HRH1: variants seen among roughly 807,000 people sequenced by gnomAD.
HRH1 encodes histamine receptor H1.
HRH1 carries 6 observed loss-of-function variants against 10.3 expected under a neutral mutation model. The observed-to-expected ratio is 0.58, with a 90% confidence interval of 0.32 to 1.15. HRH1 has a LOEUF of 1.15. Ranked by LOEUF, HRH1 falls within the 50% of genes most tolerant of loss-of-function variation. The pLI, the probability that HRH1 is intolerant of heterozygous loss-of-function variation, is 0.05. For synonymous variants in HRH1, 242 were observed against 236.7 expected (o/e 1.02, Z -0.21); for missense variants, 514 against 615.3 (o/e 0.84, Z 1.74).
chr3:11,169,375 G>T (rs1202938490), intron 1 of HRH1, among the ~76,000 whole-genome samples: 2 of 152,164 alleles, frequency 1.3e-5, no homozygotes, highest in Non-Finnish European at 2.9e-5. Flanking sequence ...ACGCCTCATT[G>T]CCAGCTGCTG....
intron 1 of HRH1, among the ~76,000 whole-genome samples, chr3:11,211,301 C>G (rs1938320019): frequency 2.0e-5 from 3 of 152,280 alleles, no homozygotes; most frequent in Admixed American, 6.5e-5. Context: ...CTGACAGGGC[C>G]CTCAGACCAG....
intron 1 of HRH1, among the ~76,000 whole-genome samples, chr3:11,207,561 T>C (rs1938181298): frequency 6.6e-6 from 1 of 152,030 alleles, no homozygotes; most frequent in African/African-American, 2.4e-5. Context: ...AGAGCGAGAC[T>C]CTGTCTCAAA....
intron 1 of HRH1, among the ~76,000 whole-genome samples, chr3:11,145,994 G>A (rs1266860182): frequency 6.6e-6 from 1 of 152,120 alleles, no homozygotes; most frequent in Admixed American, 6.6e-5. Flanking sequence ...TTCCAGTTTG[G>A]GCTATTATCA....
intron 1 of HRH1, among the ~76,000 whole-genome samples, chr3:11,218,663 C>T (rs1194683939): frequency 6.6e-6 from 1 of 151,932 alleles, no homozygotes; most frequent in Non-Finnish European, 1.5e-5. Context: ...GCAGCCTCCA[C>T]CTCCCAAGTT....
At chr3:11,228,203 G>A (rs1032659453) in intron 1 of HRH1, among the ~76,000 whole-genome samples, 1 of 152,168 alleles carries the variant, frequency 6.6e-6, no homozygotes, top group Non-Finnish European at 1.5e-5. Flanking sequence ...AATATTGGTT[G>A]CATTGGAACC....
Position 11,260,652 on chromosome 3 carries a change from G to A in HRH1, c.*151G>A. ...GCTTGGTAGTTTGGAAAGTTCTTAG[G>A]CACCATAGAAGAACAGCAGATGGCG... is the stretch of plus-strand genomic sequence containing the variant. On this transcript the variant is annotated 3_prime_UTR_variant, in exon 2 of 2. Coordinates refer to ENST00000431010, the MANE Select transcript of HRH1 (RefSeq NM_001098212.2). 1 of 698,904 alleles carries A rather than the reference G, an allele frequency of 1.4e-6. No homozygotes were observed. Among genetic ancestry groups the A allele is most frequent in the Admixed American group, 2.7e-5 (1 of 36,818 alleles). 43.3% of individuals were successfully genotyped at this position (698,904 alleles called of 1,614,324 possible). A position where few individuals can be genotyped will look rare whatever the true frequency, so the allele number is the denominator to read the frequency against.
chr3:11,252,503 G>A (rs185579484), intron 1 of HRH1, among the ~76,000 whole-genome samples: 36 of 152,214 alleles, frequency 2.4e-4, no homozygotes, highest in African/African-American at 7.2e-4. Context: ...GTAAACCCCC[G>A]GGGTAAGACT....
intron 1 of HRH1, among the ~76,000 whole-genome samples, chr3:11,172,016 G>T (rs1174506418): frequency 1.3e-5 from 2 of 152,226 alleles, no homozygotes; most frequent in Non-Finnish European, 2.9e-5. Flanking sequence ...AGGGCACCTA[G>T]ACCTTGTGTT....
intron 1 of HRH1, among the ~76,000 whole-genome samples, chr3:11,208,310 G>A (rs922553577): frequency 6.6e-6 from 1 of 151,946 alleles, no homozygotes. Flanking sequence ...GTACCACTGC[G>A]CCCAGCTAAT....
intron 1 of HRH1, among the ~76,000 whole-genome samples, chr3:11,222,331 A>G (rs1938734992): frequency 6.6e-6 from 1 of 152,192 alleles, no homozygotes. Context: ...TATGAAAACT[A>G]TGATTATTTT....
At chr3:11,155,092 C>T (rs1936754701) in intron 1 of HRH1, among the ~76,000 whole-genome samples, 1 of 152,112 alleles carries the variant, frequency 6.6e-6, no homozygotes. Flanking sequence ...CAGGGTTTTG[C>T]TCGGAGTCAT....
intron 1 of HRH1, among the ~76,000 whole-genome samples, chr3:11,180,427 C>T (rs1483601949): frequency 2.0e-5 from 3 of 152,114 alleles, no homozygotes; most frequent in African/African-American, 7.2e-5. Flanking sequence ...TCACAATGCA[C>T]AATTATCAAT....
chr3:11,172,771 G>A (rs1937178149), intron 1 of HRH1, among the ~76,000 whole-genome samples: 1 of 149,954 alleles, frequency 6.7e-6, no homozygotes, highest in Non-Finnish European at 1.5e-5. Context: ...AGGCGATCTC[G>A]GCTCACTGCA....
At chr3:11,159,405 G>A (rs1936882265) in intron 1 of HRH1, among the ~76,000 whole-genome samples, 1 of 152,160 alleles carries the variant, frequency 6.6e-6, no homozygotes, top group South Asian at 2.1e-4. Context: ...AGTTTGCTGA[G>A]TGTTTCTTTT....
rs748114350 is a variant in HRH1, at chr3:11,246,918, G to C, written c.-35-12085G>C. ...AAAAATTACCCAGGCATGGTGGTGCGTGCCTGTGGTCCCTCCCAGCTACTC... is the reference window on the plus strand; with the variant it reads ...AAAAATTACCCAGGCATGGTGGTGCCTGCCTGTGGTCCCTCCCAGCTACTC... On this transcript the variant is annotated intron_variant, in intron 1 of 1. Transcript: ENST00000431010. Among the ~76,000 whole-genome samples the C allele has an allele frequency of 1.2e-4, 19 of 152,186 alleles. No individual in the cohort carries two copies. In the South Asian group the frequency reaches 2.3e-3, roughly 18 times the overall value.
chr3:11,179,712 G>A (rs1937316713), intron 1 of HRH1, among the ~76,000 whole-genome samples: 2 of 151,100 alleles, frequency 1.3e-5, no homozygotes, highest in African/African-American at 2.4e-5. Context: ...ACTTATTTGA[G>A]TAAGTCTCTT....
chr3:11,156,430 GCCT>G (rs1277092618), intron 1 of HRH1, among the ~76,000 whole-genome samples: 1 of 152,126 alleles, frequency 6.6e-6, no homozygotes, highest in Admixed American at 6.5e-5. Context: ...TTATACATGA[GCCT>G]CCTCCTCTTC....
intron 1 of HRH1, among the ~76,000 whole-genome samples, chr3:11,176,283 C>T (rs2343861): frequency 0.28 from 41,821 of 151,918 alleles, 8,104 homozygotes; most frequent in African/African-American, 0.55. Flanking sequence ...AAAAGAGTTT[C>T]CCACCCACCT....
chr3:11,138,345 A>AAC (rs200762576), intron 1 of HRH1, among the ~76,000 whole-genome samples: 9 of 150,314 alleles, frequency 6.0e-5, no homozygotes, highest in African/African-American at 1.5e-4. Context: ...CTTACAACTC[A>AAC]ACACACACAC....
Sources: gnomAD v4.1 joint callset for allele counts (sites outside exome capture counted in the v4.1 genomes callset) on GRCh38, gnomAD v4.1.1 for gene constraint, MANE v1.5 for transcripts, NCBI Gene and HGNC (gene_info 2026-07-23, HGNC 2026-07-21) for gene names.